RTKN2: variants seen among roughly 807,000 people sequenced by gnomAD.
RTKN2 encodes the protein rhotekin 2.
RTKN2 carries 69 observed loss-of-function variants against 71.5 expected under a neutral mutation model. The observed-to-expected ratio is 0.96, with a 90% CI of 0.79 to 1.18. RTKN2 has a LOEUF of 1.18. Ranked by LOEUF, RTKN2 falls within the 50% of genes most tolerant of loss-of-function variation. RTKN2 has a pLI of 0.00. For synonymous variants in RTKN2, 236 were observed against 236.5 expected (o/e 1.00, Z 0.02); for missense variants, 724 against 719.7 (o/e 1.01, Z -0.07).
At chr10:62,257,845 A>T (rs1842702768) in intron 2 of RTKN2, among the ~76,000 whole-genome samples, 1 of 152,164 alleles carries the variant, frequency 6.6e-6, no homozygotes, top group South Asian at 2.1e-4. Flanking sequence ...GATACCTCTA[A>T]ATTGAGGCAG....
chr10:62,265,240 G>C (rs551088600), intron 1 of RTKN2, among the ~76,000 whole-genome samples: 74 of 152,258 alleles, frequency 4.9e-4, no homozygotes, highest in African/African-American at 1.8e-3. Flanking sequence ...ACTATGGCCT[G>C]GCTGGGACCT....
intron 1 of RTKN2, among the ~76,000 whole-genome samples, chr10:62,266,746 G>C (rs545189130): frequency 1.1e-4 from 16 of 152,358 alleles, no homozygotes; most frequent in African/African-American, 3.6e-4. Context: ...CACATCCTGA[G>C]TGCTAGGTGC....
In RTKN2 at chr10:62,241,206, G is replaced by C; in HGVS notation, c.317-11C>G. The C allele has an allele frequency of 6.5e-7, 1 of 1,537,036 alleles. No homozygotes were observed. Among genetic ancestry groups the C allele is most frequent in the Non-Finnish European group, 8.9e-7 (1 of 1,119,524 alleles). On this transcript the variant is annotated splice_polypyrimidine_tract_variant and intron_variant, in intron 3 of 11. Coordinates refer to ENST00000373789, the MANE Select transcript of RTKN2 (RefSeq NM_145307.4). ...GTGGTATTCGAATATCTATAAAGAAGGGAAAAAGAAATGACAAGTAATAAT... is the reference window on the plus strand; with the variant it reads ...GTGGTATTCGAATATCTATAAAGAACGGAAAAAGAAATGACAAGTAATAAT...
chr10:62,258,755 T>G lies in RTKN2; in HGVS notation c.257+3870A>C, dbSNP rs1842719688. Reference sequence around the variant, plus strand: ...GAAATATACATGTGTATATGTAACATAAAAGATATTTTCACGGGTAAGCAA... The same window carrying G: ...GAAATATACATGTGTATATGTAACAGAAAAGATATTTTCACGGGTAAGCAA... On this transcript the variant is annotated intron_variant, in intron 2 of 11. Transcript: ENST00000373789. 2.0e-5 allele frequency among the ~76,000 whole-genome samples: 3 copies of G among 152,084 alleles called. No individual in the cohort carries two copies. The South Asian group carries it at 6.2e-4, about 32-fold the overall frequency.
chr10:62,223,382 C>G, intron 6 of RTKN2, 50 bp from the exon 7 acceptor site: 1 of 1,074,280 alleles, frequency 9.3e-7, no homozygotes, highest in Non-Finnish European at 1.4e-6. Context: ...ATTTCTACTA[C>G]TACACAAAAT....
At position 62,197,815 on chromosome 10, in the gene RTKN2, A is replaced by G; in HGVS notation, c.*93T>C. On this transcript the variant is annotated 3_prime_UTR_variant, in exon 12 of 12. Transcript: ENST00000373789. ...ATTAATTATTGGTATAAATCACTAT[A>G]TTTACCTATATAATTACACATTATT... The G allele has an allele frequency of 1.4e-6, 2 of 1,446,792 alleles. No homozygotes were observed. Among genetic ancestry groups the G allele is most frequent in the Non-Finnish European group, 1.8e-6 (2 of 1,095,462 alleles). The allele number at this position is 1,446,792 out of a possible 1,614,324, so 89.6% of individuals were successfully genotyped here. A position where few individuals can be genotyped will look rare whatever the true frequency, so the allele number is the denominator to read the frequency against.
intron 1 of RTKN2, among the ~76,000 whole-genome samples, chr10:62,263,988 G>A (rs1842824457): frequency 6.6e-6 from 1 of 151,896 alleles, no homozygotes; most frequent in South Asian, 2.1e-4. Flanking sequence ...TAAATCAAAG[G>A]TACTCTTTAT....
intron 2 of RTKN2, among the ~76,000 whole-genome samples, chr10:62,260,852 T>C (rs1040485531): frequency 7.2e-5 from 11 of 152,246 alleles, no homozygotes; most frequent in African/African-American, 2.7e-4. Flanking sequence ...ATATAATGTT[T>C]AGTCCCATAC....
chr10:62,201,402 A>G (rs897753142), intron 10 of RTKN2, among the ~76,000 whole-genome samples: 1 of 152,148 alleles, frequency 6.6e-6, no homozygotes, highest in African/African-American at 2.4e-5. Flanking sequence ...AAAAATTTCA[A>G]AATAAGCCAC....
chr10:62,241,022 C>A, intron 4 of RTKN2, 120 bp downstream of exon 4: 1 of 591,936 alleles, frequency 1.7e-6, no homozygotes, highest in African/African-American at 1.9e-5. Context: ...GTTCAAGATG[C>A]TGCTTATTCT....
At chr10:62,184,219 G>A (rs1167924411) in exon 9 of RTKN2, 5 of 697,682 alleles carry the variant, frequency 7.2e-6, no homozygotes, top group Non-Finnish European at 1.2e-5. Context: ...AATACAGGAA[G>A]GAGACGCGTT....
At chr10:62,234,181 A>T (rs754979804) in intron 6 of RTKN2, among the ~76,000 whole-genome samples, 17 of 152,154 alleles carry the variant, frequency 1.1e-4, no homozygotes, top group Non-Finnish European at 2.2e-4. Flanking sequence ...CTGATCAAAG[A>T]TGAACAACTT....
intron 6 of RTKN2, among the ~76,000 whole-genome samples, chr10:62,234,502 A>AAG (rs1382580863): frequency 6.6e-6 from 1 of 151,578 alleles, no homozygotes; most frequent in Middle Eastern, 3.2e-3. Context: ...CTTAAAAAAA[A>AAG]AAAAAGAAAA....
intron 6 of RTKN2, among the ~76,000 whole-genome samples, chr10:62,233,826 C>A (rs1354830408): frequency 6.6e-6 from 1 of 152,068 alleles, no homozygotes; most frequent in East Asian, 1.9e-4. Flanking sequence ...TGATGACTGG[C>A]ATTTCTAGGA....
At chr10:62,250,328 T>C (rs1479136321) in intron 2 of RTKN2, among the ~76,000 whole-genome samples, 1 of 152,202 alleles carries the variant, frequency 6.6e-6, no homozygotes, top group Non-Finnish European at 1.5e-5. Flanking sequence ...CTTTGGAGCC[T>C]TGGCTACGAA....
intron 8 of RTKN2, among the ~76,000 whole-genome samples, chr10:62,217,957 A>T (rs1162009479): frequency 1.3e-5 from 2 of 152,096 alleles, no homozygotes; most frequent in African/African-American, 4.8e-5. Flanking sequence ...CTATTAATGA[A>T]GCAGAGGAGC....
intron 9 of RTKN2, among the ~76,000 whole-genome samples, chr10:62,214,287 G>A (rs974003721): frequency 6.6e-6 from 1 of 151,920 alleles, no homozygotes; most frequent in African/African-American, 2.4e-5. Context: ...ATGTACAACG[G>A]AAGAGATAAT....
chr10:62,258,847 G>A (rs902036684), intron 2 of RTKN2, among the ~76,000 whole-genome samples: 3 of 152,114 alleles, frequency 2.0e-5, no homozygotes, highest in East Asian at 3.8e-4. Context: ...AAAAAGCACA[G>A]GTTCTTTTTT....
intron 6 of RTKN2, among the ~76,000 whole-genome samples, chr10:62,227,443 A>G (rs1043358698): frequency 2.6e-5 from 4 of 152,118 alleles, no homozygotes; most frequent in African/African-American, 9.7e-5. Flanking sequence ...CAATACATAT[A>G]AAGGCTAAGG....
Sources: gnomAD v4.1 joint callset for allele counts (sites outside exome capture counted in the v4.1 genomes callset) on GRCh38, gnomAD v4.1.1 for gene constraint, MANE v1.5 for transcripts, NCBI Gene and HGNC (gene_info 2026-07-23, HGNC 2026-07-21) for gene names.